The following LARGE1 variants were observed in gnomAD, a reference collection of about 807,000 sequenced individuals.
LARGE1 encodes the protein xylosyl- and glucuronyltransferase LARGE1.
LARGE1 carries 43 observed loss-of-function variants against 87.6 expected under a neutral mutation model. The observed-to-expected ratio is 0.49, with a 90% CI of 0.38 to 0.63. The LOEUF (loss-of-function observed/expected upper bound fraction) is 0.63, where lower values mean the gene tolerates loss of function less well. Ranked by LOEUF, LARGE1 falls within the 30% of genes least tolerant of loss-of-function variation. LARGE1 has a pLI of 0.00. For synonymous variants in LARGE1, 434 were observed against 394.6 expected (o/e 1.10, Z -1.18); for missense variants, 802 against 1,000.2 (o/e 0.80, Z 2.67).
chr22:33,674,219 T>C (rs1012715214), intron 2 of LARGE1, among the ~76,000 whole-genome samples: 4 of 151,940 alleles, frequency 2.6e-5, no homozygotes, highest in African/African-American at 7.3e-5. Flanking sequence ...GCTGGGATTA[T>C]AGGTGTGAGC....
At chr22:33,489,780 CA>C (rs2069747390) in intron 6 of LARGE1, among the ~76,000 whole-genome samples, 1 of 152,228 alleles carries the variant, frequency 6.6e-6, no homozygotes, top group African/African-American at 2.4e-5. Flanking sequence ...AAACAATGAA[CA>C]AAACAAAGCC....
intron 10 of LARGE1, among the ~76,000 whole-genome samples, chr22:33,324,603 T>G (rs968089441): frequency 6.6e-6 from 1 of 152,214 alleles, no homozygotes; most frequent in African/African-American, 2.4e-5. Flanking sequence ...TTAGGCAGTT[T>G]GCATTTATTT....
the LARGE1 span, among the ~76,000 whole-genome samples, chr22:33,122,798 G>C: frequency 6.6e-6 from 1 of 152,102 alleles, no homozygotes; most frequent in African/African-American, 2.4e-5. Flanking sequence ...ACATTTTCTT[G>C]CATAAAGCCA....
chr22:33,149,540 A>G, the LARGE1 span, among the ~76,000 whole-genome samples: 1,274 of 152,200 alleles, frequency 8.4e-3, 19 homozygotes, highest in African/African-American at 0.027. Flanking sequence ...TTTGTTTCCT[A>G]TTGCTGCCAT....
At chr22:33,117,811 C>T in the LARGE1 span, among the ~76,000 whole-genome samples, 1 of 152,166 alleles carries the variant, frequency 6.6e-6, no homozygotes. Context: ...TTTCATGAGG[C>T]ATTTACCAAA....
chr22:33,346,112 G>T (rs1273945355), intron 9 of LARGE1, among the ~76,000 whole-genome samples: 1 of 152,042 alleles, frequency 6.6e-6, no homozygotes, highest in Non-Finnish European at 1.5e-5. Context: ...AGGCTAAAAG[G>T]CAATCCTAGT....
intron 6 of LARGE1, among the ~76,000 whole-genome samples, chr22:33,501,068 G>C (rs1307362548): frequency 6.6e-6 from 1 of 152,140 alleles, no homozygotes; most frequent in Non-Finnish European, 1.5e-5. Flanking sequence ...CCCTAAGGAG[G>C]AATCAAAGAC....
At chr22:33,290,882 T>C (rs1374919036) in intron 12 of LARGE1, among the ~76,000 whole-genome samples, 1 of 151,948 alleles carries the variant, frequency 6.6e-6, no homozygotes, top group African/African-American at 2.4e-5. Context: ...CTACTAAAAA[T>C]ACAAAAATTA....
chr22:33,165,108 C>G (rs1302867356), exon 12 of LARGE1: 1 of 152,090 alleles, frequency 6.6e-6, no homozygotes, highest in Non-Finnish European at 1.5e-5. Context: ...GTGCAATAAA[C>G]CCATGTAACA....
chr22:33,814,856 G>A lies in LARGE1; in HGVS notation c.-82-53298C>T, dbSNP rs118089314. Among the ~76,000 whole-genome samples, 1,085 of 152,198 alleles carry A rather than the reference G, an allele frequency of 7.1e-3. 9 individuals carry two copies. The highest frequency in any genetic ancestry group is 0.022 in the South Asian group (106 of 4,820). On this transcript the variant is annotated intron_variant, in intron 1 of 14. Coordinates refer to ENST00000397394, the MANE Select transcript of LARGE1 (RefSeq NM_133642.5). The stretch of plus-strand genomic sequence containing the variant: ...TACAGGCTATTTGATACTCACAACA[G>A]GTCACCTATGTAAGTATGATCGCCT...
At chr22:33,314,165 C>A (rs541171415) in intron 11 of LARGE1, among the ~76,000 whole-genome samples, 1 of 152,184 alleles carries the variant, frequency 6.6e-6, no homozygotes, top group African/African-American at 2.4e-5. Flanking sequence ...GGTGCTAGAG[C>A]CTCCATGCTT....
chr22:33,687,744 C>G (rs1006982108), intron 2 of LARGE1, among the ~76,000 whole-genome samples: 1 of 152,130 alleles, frequency 6.6e-6, no homozygotes. Flanking sequence ...ACATGGAAGA[C>G]GGAAGAGGTG....
chr22:33,241,631 TA>T (rs1327105458), intron 11 of LARGE1, among the ~76,000 whole-genome samples: 1 of 151,962 alleles, frequency 6.6e-6, no homozygotes, highest in Non-Finnish European at 1.5e-5. Context: ...CATATATGTA[TA>T]TATGTATATA....
At chr22:33,153,210 T>A in the LARGE1 span, among the ~76,000 whole-genome samples, 1 of 152,220 alleles carries the variant, frequency 6.6e-6, no homozygotes, top group Non-Finnish European at 1.5e-5. Flanking sequence ...TAAATTTTTT[T>A]AGGCATGAAG....
chr22:33,456,752 T>C (rs1323824992), intron 6 of LARGE1, among the ~76,000 whole-genome samples: 3 of 152,198 alleles, frequency 2.0e-5, no homozygotes, highest in Non-Finnish European at 4.4e-5. Flanking sequence ...AACTTGTTCA[T>C]GGAAGCAGCT....
intron 11 of LARGE1, among the ~76,000 whole-genome samples, chr22:33,235,965 G>A (rs1210012664): frequency 6.6e-6 from 1 of 152,130 alleles, no homozygotes; most frequent in Non-Finnish European, 1.5e-5. Context: ...CCAATGACTG[G>A]TATTCTTATA....
chr22:33,903,057 G>A (rs1445369426), intron 1 of LARGE1, among the ~76,000 whole-genome samples: 4 of 152,252 alleles, frequency 2.6e-5, no homozygotes, highest in Non-Finnish European at 5.9e-5. Flanking sequence ...GCTTGAACCC[G>A]GGAGGCGGAG....
At chr22:33,637,467 C>A (rs1207225816) in intron 3 of LARGE1, among the ~76,000 whole-genome samples, 1 of 152,160 alleles carries the variant, frequency 6.6e-6, no homozygotes, top group Non-Finnish European at 1.5e-5. Flanking sequence ...CCAAAGATCC[C>A]TTCCCCCTGG....
intron 2 of LARGE1, among the ~76,000 whole-genome samples, chr22:33,706,737 C>T (rs1485272833): frequency 6.6e-6 from 1 of 152,176 alleles, no homozygotes; most frequent in Non-Finnish European, 1.5e-5. Flanking sequence ...AAGTTCTTTT[C>T]GTCAAAAGAC....
Sources: allele counts gnomAD v4.1 joint callset (sites outside exome capture counted in the v4.1 genomes callset), GRCh38; gene constraint gnomAD v4.1.1; transcripts MANE v1.5; gene names NCBI Gene and HGNC (gene_info 2026-07-23, HGNC 2026-07-21).